Variants in MRPL18 observed in about 807,000 individuals in gnomAD.
MRPL18 encodes mitochondrial ribosomal protein L18.
MRPL18 carries 16 observed loss-of-function variants against 20.9 expected under a neutral mutation model. The observed-to-expected ratio is 0.76, with a 90% CI of 0.52 to 1.16. MRPL18 has a LOEUF of 1.16. Ranked by LOEUF, MRPL18 falls within the 50% of genes most tolerant of loss-of-function variation. The probability of loss-of-function intolerance (pLI) is 0.00; values close to 1 mark genes in which losing one functional copy is unlikely to be tolerated. For missense variants in MRPL18, 233 were observed against 230.6 expected, an observed-to-expected ratio of 1.01 and a Z score of -0.07; for synonymous variants, 91 against 87.1, an observed-to-expected ratio of 1.04 and a Z score of -0.25.
At position 159,790,634 on chromosome 6, in the gene MRPL18, A is replaced by G; in HGVS notation, c.47A>G (p.Asn16Ser). Residue 16 changes from asparagine to serine, a missense_variant, in exon 1 of 4, where the codon AAC becomes AGC. By Grantham distance (46) the Asn-to-Ser change is conservative (BLOSUM62 1). Coordinates refer to ENST00000367034, the MANE Select transcript of MRPL18 (RefSeq NM_014161.5). ...TGGGGGTTGTTCTCGGTTTGCAGGA[A>G]CCCTGGTAATTAGTCTTGCCCCCCT... ...RFWGLFSVCR[N>S]PGCRFAALST... is the part of the protein sequence containing the mutation. 6.2e-7 allele frequency: 1 copy of G among 1,613,834 alleles called. No homozygotes were observed. Among genetic ancestry groups the G allele is most frequent in the Non-Finnish European group, 8.5e-7 (1 of 1,179,964 alleles).
At chr6:159,794,041 G>T (rs765349894) in intron 2 of MRPL18, among the ~76,000 whole-genome samples, 1 of 152,196 alleles carries the variant, frequency 6.6e-6, no homozygotes. Flanking sequence ...AATGATTTGG[G>T]TGTGTTTTCT....
rs769978996 is a variant in MRPL18 at position 159,790,603 on chromosome 6, C to A, written c.16C>A (p.Arg6=). The A allele has an allele frequency of 6.5e-7, 1 of 1,537,454 alleles. No individual in the cohort carries two copies. Among genetic ancestry groups the A allele is most frequent in the South Asian group, 1.1e-5 (1 of 87,918 alleles). Residue 6 remains arginine (R), a synonymous_variant, in exon 1 of 4, where the codon CGG becomes AGG. Transcript: ENST00000367034. ...CGTCTCAGCGATGGCGCTTCGGTCG[C>A]GGTTTTGGGGGTTGTTCTCGGTTTG... The part of the protein sequence containing the change: MALRS[R]FWGLFSVCRN...
At chr6:159,793,052 C>T (rs1051460576) in intron 2 of MRPL18, among the ~76,000 whole-genome samples, 3 of 151,246 alleles carry the variant, frequency 2.0e-5, no homozygotes, top group Non-Finnish European at 2.9e-5. Flanking sequence ...GTCTCGAGCT[C>T]TTGAGCTCGA....
intron 3 of MRPL18, 130 bp downstream of exon 3, chr6:159,797,648 A>G (rs1583157615): frequency 2.6e-6 from 2 of 768,608 alleles, no homozygotes; most frequent in South Asian, 1.8e-5. Context: ...TGAGTACTCA[A>G]CAGTGTTACT....
chr6:159,792,997 T>G (rs1780939972), intron 2 of MRPL18, among the ~76,000 whole-genome samples: 1 of 149,848 alleles, frequency 6.7e-6, no homozygotes, highest in Non-Finnish European at 1.5e-5. Flanking sequence ...TTTTTTTTTT[T>G]CTGGTATTTT....
At chr6:159,792,370 A>G (rs1780923156) in intron 2 of MRPL18, among the ~76,000 whole-genome samples, 1 of 152,178 alleles carries the variant, frequency 6.6e-6, no homozygotes, top group South Asian at 2.1e-4. Context: ...TGTATTATTT[A>G]TTTATTGAAC....
chr6:159,789,925 C>G (rs560217153), upstream of MRPL18: 29 of 191,610 alleles, frequency 1.5e-4, no homozygotes, highest in African/African-American at 2.8e-4. Flanking sequence ...TGGGGTGTAA[C>G]TGGAGGGGCG....
At chr6:159,795,299 A>G (rs562311020) in intron 2 of MRPL18, among the ~76,000 whole-genome samples, 31 of 152,202 alleles carry the variant, frequency 2.0e-4, no homozygotes, top group African/African-American at 5.5e-4. Context: ...AGGCTGGGGG[A>G]CGGTCAGGTC....
intron 2 of MRPL18, 35 bp from the exon 3 acceptor site, chr6:159,797,252 C>A: frequency 6.4e-7 from 1 of 1,562,372 alleles, no homozygotes; most frequent in South Asian, 1.1e-5. Flanking sequence ...GATACAGATT[C>A]TTCTGTGATT....
At chr6:159,791,258 A>G in intron 2 of MRPL18, 132 bp downstream of exon 2, 1 of 1,041,670 alleles carries the variant, frequency 9.6e-7, no homozygotes. Context: ...GGGCTGGAAC[A>G]AACAACAAAT....
At chr6:159,793,212 G>A (rs1429993928) in intron 2 of MRPL18, among the ~76,000 whole-genome samples, 3 of 151,976 alleles carry the variant, frequency 2.0e-5, no homozygotes, top group Admixed American at 6.5e-5. Flanking sequence ...TGCCTTACTC[G>A]CAATATTAAA....
rs369522643 is a variant in MRPL18 at position 159,797,298 on chromosome 6, T to C, written c.251T>C (p.Ile84Thr). The C allele has an allele frequency of 1.9e-6, 3 of 1,614,206 alleles. No homozygotes were observed. Among genetic ancestry groups the C allele is most frequent in the East Asian group, 4.5e-5 (2 of 44,888 alleles). Residue 84 changes from isoleucine to threonine, a missense_variant, in exon 3 of 4, where the codon ATA becomes ACA. Coordinates refer to ENST00000367034, the MANE Select transcript of MRPL18 (RefSeq NM_014161.5). ...CTCACCCCATTTAGGTTGCGAGTTATAAGGACTCAGCATCATGTAGAAGCA... is the reference window on the plus strand; with the variant it reads ...CTCACCCCATTTAGGTTGCGAGTTACAAGGACTCAGCATCATGTAGAAGCA... ...SREFWHRLRV[I>T]RTQHHVEALV... is the part of the protein sequence containing the mutation.
intron 2 of MRPL18, among the ~76,000 whole-genome samples, chr6:159,795,941 G>A (rs950026507): frequency 3.3e-5 from 5 of 151,628 alleles, no homozygotes; most frequent in Non-Finnish European, 5.9e-5. Flanking sequence ...ACACCATCAC[G>A]CCTGGCTGAT....
Position 159,797,410 on chromosome 6 carries a change from TGTG to T in MRPL18, c.368_370del (p.Val123del), listed in dbSNP as rs1258370360. The T allele has an allele frequency of 1.2e-6, 2 of 1,613,948 alleles. No individual in the cohort carries two copies. Among genetic ancestry groups the T allele is most frequent in the South Asian group, 1.1e-5 (1 of 91,082 alleles). Reference sequence around the variant, plus strand: ...AAAAGCACCTTTATAGTACCAGAAATGTGGTGGCTTGTGAGAGTATAGGACGAG... The same window carrying T: ...AAAAGCACCTTTATAGTACCAGAAATGTGGCTTGTGAGAGTATAGGACGAG... On this transcript the variant is annotated inframe_deletion, in exon 3 of 4. Transcript: ENST00000367034.
Position 159,794,914 on chromosome 6 carries a change from C to A in MRPL18, c.240-2373C>A, listed in dbSNP as rs560944763. On this transcript the variant is annotated intron_variant, in intron 2 of 3. Transcript: ENST00000367034. ...GTTCCCTTAGTATTTATTGATCATT[C>A]GTGGGTGTTTCTCTGAGAGGGGGAT... Among the ~76,000 whole-genome samples the A allele has an allele frequency of 3.9e-5, 6 of 152,190 alleles. No individual in the cohort carries two copies. In the East Asian group the frequency reaches 1.2e-3, roughly 29 times the overall value.
At chr6:159,791,265 A>C in intron 2 of MRPL18, 139 bp downstream of exon 2, 2 of 954,298 alleles carry the variant, frequency 2.1e-6, no homozygotes, top group South Asian at 3.4e-5. Context: ...AACAAACAAC[A>C]AATAGGTGTG....
At chr6:159,790,194 G>T (rs569129909), upstream of MRPL18, 7 of 283,304 alleles carry the variant, frequency 2.5e-5, no homozygotes, top group Non-Finnish European at 4.2e-5. Flanking sequence ...TTATTCCTAC[G>T]CGGTGCCCAG....
At chr6:159,794,166 G>A (rs150866127) in intron 2 of MRPL18, among the ~76,000 whole-genome samples, 1 of 152,290 alleles carries the variant, frequency 6.6e-6, no homozygotes, top group African/African-American at 2.4e-5. Flanking sequence ...AGCAAAAACT[G>A]TTAAAAACAA....
intron 1 of MRPL18, 67 bp from the exon 2 acceptor site, chr6:159,790,873 A>G: frequency 6.3e-7 from 1 of 1,576,484 alleles, no homozygotes; most frequent in Non-Finnish European, 8.6e-7. Flanking sequence ...GATAGACGTT[A>G]GAGCGGGTTC....
Sources: gnomAD v4.1 joint callset for allele counts (sites outside exome capture counted in the v4.1 genomes callset) on GRCh38, gnomAD v4.1.1 for gene constraint, MANE v1.5 for transcripts, NCBI Gene and HGNC (gene_info 2026-07-23, HGNC 2026-07-21) for gene names.